MACROD2: variants seen among roughly 807,000 people sequenced by gnomAD.
The protein encoded by MACROD2 is mono-ADP ribosylhydrolase 2.
Under a neutral mutation model 70.4 loss-of-function variants are expected in MACROD2, and 36 were observed. That is an observed-to-expected ratio of 0.51 (90% CI 0.39 to 0.68). The LOEUF is 0.68. Among genes scored for constraint, MACROD2 ranks in the 30% least tolerant of loss-of-function variants. MACROD2 has a pLI of 0.00. For synonymous variants in MACROD2, 172 were observed against 178.8 expected, an observed-to-expected ratio of 0.96 and a Z score of 0.30; for missense variants, 496 against 538.4, an observed-to-expected ratio of 0.92 and a Z score of 0.78.
intron 8 of MACROD2, among the ~76,000 whole-genome samples, chr20:15,722,545 C>G (rs1287940855): frequency 6.6e-6 from 1 of 152,058 alleles, no homozygotes; most frequent in Non-Finnish European, 1.5e-5. Flanking sequence ...CTCTTCAGGT[C>G]TTTGATCCAT....
At chr20:14,137,514 T>C (rs1569175148) in intron 3 of MACROD2, among the ~76,000 whole-genome samples, 1 of 152,186 alleles carries the variant, frequency 6.6e-6, no homozygotes, top group Non-Finnish European at 1.5e-5. Context: ...AAAGGCACCC[T>C]GAATACACAA....
chr20:14,912,540 G>A (rs902032638), intron 5 of MACROD2, among the ~76,000 whole-genome samples: 5 of 152,196 alleles, frequency 3.3e-5, no homozygotes, highest in African/African-American at 7.2e-5. Context: ...CTCCTAACAC[G>A]TGCCACAGTA....
At chr20:14,933,056 A>T (rs1322182679) in intron 5 of MACROD2, among the ~76,000 whole-genome samples, 2 of 152,094 alleles carry the variant, frequency 1.3e-5, no homozygotes, top group Non-Finnish European at 2.9e-5. Context: ...GTCTTCAGAG[A>T]AAAACTCTTT....
chr20:14,576,025 T>A (rs1957755980), intron 4 of MACROD2, among the ~76,000 whole-genome samples: 2 of 152,186 alleles, frequency 1.3e-5, no homozygotes, highest in Non-Finnish European at 2.9e-5. Context: ...TTGGAGAGCC[T>A]AGGTTCCTCA....
chr20:14,934,534 C>A (rs558668295), intron 5 of MACROD2, among the ~76,000 whole-genome samples: 2 of 152,270 alleles, frequency 1.3e-5, no homozygotes, highest in Admixed American at 6.5e-5. Context: ...TGCCTATAAT[C>A]CCAGCACTTT....
At chr20:15,386,920 C>T (rs368266121) in intron 6 of MACROD2, among the ~76,000 whole-genome samples, 3 of 152,092 alleles carry the variant, frequency 2.0e-5, no homozygotes, top group South Asian at 2.1e-4. Context: ...CTCTGTGATC[C>T]CTGACAGAAA....
intron 5 of MACROD2, among the ~76,000 whole-genome samples, chr20:15,208,448 A>G (rs1568637694): frequency 6.6e-6 from 1 of 152,084 alleles, no homozygotes; most frequent in African/African-American, 2.4e-5. Context: ...ATTCAAGTTG[A>G]GATTTTCCTG....
chr20:15,746,855 G>A (rs928391507), intron 8 of MACROD2, among the ~76,000 whole-genome samples: 1 of 152,070 alleles, frequency 6.6e-6, no homozygotes, highest in Non-Finnish European at 1.5e-5. Flanking sequence ...AAGAAAATAA[G>A]CCAAAATGAA....
chr20:14,999,299 G>A (rs1300547331), intron 5 of MACROD2, among the ~76,000 whole-genome samples: 2 of 152,298 alleles, frequency 1.3e-5, no homozygotes, highest in African/African-American at 2.4e-5. Context: ...TCAGTAGGAA[G>A]ACTCAAAGCT....
intron 5 of MACROD2, among the ~76,000 whole-genome samples, chr20:15,129,257 T>A (rs1320767734): frequency 6.6e-6 from 1 of 152,128 alleles, no homozygotes; most frequent in African/African-American, 2.4e-5. Context: ...TGTATTATAC[T>A]TTTCATCCTT....
intron 3 of MACROD2, among the ~76,000 whole-genome samples, chr20:14,480,841 T>C (rs949407814): frequency 2.0e-5 from 3 of 152,174 alleles, no homozygotes; most frequent in African/African-American, 7.2e-5. Context: ...TTAAAGGAGA[T>C]GACTATTTTA....
At chr20:14,204,943 T>C (rs867256611) in intron 3 of MACROD2, among the ~76,000 whole-genome samples, 26 of 152,130 alleles carry the variant, frequency 1.7e-4, no homozygotes, top group African/African-American at 6.3e-4. Flanking sequence ...TCTACATAAC[T>C]ATGGATTAGA....
chr20:15,866,044 C>T (rs989637527), intron 9 of MACROD2, among the ~76,000 whole-genome samples: 2 of 152,072 alleles, frequency 1.3e-5, no homozygotes, highest in African/African-American at 2.4e-5. Context: ...ACTGATCACA[C>T]AGGGAGGGAA....
chr20:14,409,040 C>A (rs187354063), intron 3 of MACROD2, among the ~76,000 whole-genome samples: 150 of 152,186 alleles, frequency 9.9e-4, no homozygotes, highest in Middle Eastern at 6.8e-3. Context: ...CCTGCTGGTA[C>A]CTGACATGAA....
intron 6 of MACROD2, among the ~76,000 whole-genome samples, chr20:15,367,935 C>T (rs2045435736): frequency 6.6e-6 from 1 of 151,922 alleles, no homozygotes; most frequent in South Asian, 2.1e-4. Context: ...CACAGTTTTT[C>T]TAAAATGTCC....
At chr20:14,222,819 A>G (rs1167659751) in intron 3 of MACROD2, among the ~76,000 whole-genome samples, 390 of 8,950 alleles carry the variant, frequency 0.044, 12 homozygotes, top group African/African-American at 0.14. Flanking sequence ...TTCTGAAAAA[A>G]AAAAAAAAAA....
chr20:14,013,702 C>G (rs531455429), intron 2 of MACROD2, among the ~76,000 whole-genome samples: 1 of 70,892 alleles, frequency 1.4e-5, no homozygotes, highest in Non-Finnish European at 2.5e-5. Context: ...TTTTTTGAGA[C>G]GGAGTTTCGC....
chr20:15,389,616 A>G (rs915942476), intron 6 of MACROD2, among the ~76,000 whole-genome samples: 11 of 152,240 alleles, frequency 7.2e-5, no homozygotes, highest in African/African-American at 2.7e-4. Context: ...ACTAATTAAG[A>G]TAAAGGCTGT....
At position 13,995,890 on chromosome 20, in the gene MACROD2, G is replaced by A; in HGVS notation, c.46+81G>A. 2.7e-6 allele frequency: 4 copies of A among 1,492,144 alleles called. No individual in the cohort carries two copies. Among genetic ancestry groups the A allele is most frequent in the Admixed American group, 2.0e-5 (1 of 50,638 alleles). 92.4% of individuals were successfully genotyped at this position (1,492,144 alleles called of 1,614,324 possible). ...GGGGTCAGGCTGTGTGTGCCGCGGC[G>A]CCCTCCGCCCGAGCTCCCGCCTCGC... On this transcript the variant is annotated intron_variant, in intron 1 of 17. Transcript: ENST00000684519. This position sits in a 1 kb window ranked among gnomAD's most constrained non-coding sequence, Gnocchi z 4.3.
Sources: gnomAD v4.1 joint callset for allele counts (sites outside exome capture counted in the v4.1 genomes callset) on GRCh38, gnomAD v4.1.1 for gene constraint, Gnocchi (gnomAD v3.1) non-coding constraint, MANE v1.5 for transcripts, NCBI Gene and HGNC (gene_info 2026-07-23, HGNC 2026-07-21) for gene names.